The following MAPK8 variants were observed in gnomAD, a reference collection of about 807,000 sequenced individuals.
MAPK8 encodes JUN N-terminal kinase.
A neutral mutation model predicts 52.9 loss-of-function variants in MAPK8; 13 were observed. The observed-to-expected ratio is 0.25, with a 90% CI of 0.16 to 0.39. MAPK8 has a LOEUF of 0.39. Among genes scored for constraint, MAPK8 ranks in the 10% least tolerant of loss-of-function variants. The probability of loss-of-function intolerance (pLI) is 1.00; values close to 1 mark genes in which losing one functional copy is unlikely to be tolerated. For missense variants in MAPK8, 300 were observed against 519.2 expected (o/e 0.58, Z 4.10); for synonymous variants, 191 against 169.8 (o/e 1.12, Z -0.97).
At chr10:48,321,123 G>A (rs576787731) in intron 1 of MAPK8, among the ~76,000 whole-genome samples, 8 of 145,434 alleles carry the variant, frequency 5.5e-5, no homozygotes, top group Non-Finnish European at 1.2e-4. Context: ...AAGAGATGGG[G>A]TTCTTGCTCT....
intron 1 of MAPK8, among the ~76,000 whole-genome samples, chr10:48,336,376 A>G (rs918911645): frequency 6.6e-6 from 1 of 152,148 alleles, no homozygotes; most frequent in Admixed American, 6.6e-5. Flanking sequence ...TTAAATTTGC[A>G]GTAAAAAAGT....
rs146188436 is a variant in MAPK8, at chr10:48,334,214, C to A, written c.-50+27393C>A. ...TCCAGAGGAATGTCAGATGGAGTCTCTTTGGCTCCCTCTTTCCTTTGTCCC... is the reference window on the plus strand; with the variant it reads ...TCCAGAGGAATGTCAGATGGAGTCTATTTGGCTCCCTCTTTCCTTTGTCCC... On this transcript the variant is annotated intron_variant, in intron 1 of 11. Coordinates refer to ENST00000374189, the MANE Select transcript of MAPK8 (RefSeq NM_001323329.2). 9.3e-4 allele frequency among the ~76,000 whole-genome samples: 142 copies of A among 152,288 alleles called. 1 individual carries two copies. The East Asian group carries it at 0.011, about 12-fold the overall frequency.
chr10:48,314,270 T>G (rs1351213639), intron 1 of MAPK8, among the ~76,000 whole-genome samples: 2 of 152,204 alleles, frequency 1.3e-5, no homozygotes, highest in East Asian at 1.9e-4. Context: ...AGTCTGTTCC[T>G]CATCCTATCA....
chr10:48,347,553 C>T (rs1428432500), intron 1 of MAPK8, among the ~76,000 whole-genome samples: 1 of 152,136 alleles, frequency 6.6e-6, no homozygotes, highest in Non-Finnish European at 1.5e-5. Context: ...CCCTAGCTCC[C>T]CACCCCGCAA....
At chr10:48,323,885 A>G (rs958056958) in intron 1 of MAPK8, among the ~76,000 whole-genome samples, 3 of 152,166 alleles carry the variant, frequency 2.0e-5, no homozygotes, top group Non-Finnish European at 4.4e-5. Context: ...TATGTGTCAT[A>G]GGAACCTGGT....
At chr10:48,382,669 T>A in intron 1 of MAPK8, among the ~76,000 whole-genome samples, 1 of 151,436 alleles carries the variant, frequency 6.6e-6, no homozygotes, top group East Asian at 1.9e-4. Context: ...GCCAATTCAA[T>A]TTTACGTTAT....
At chr10:48,351,633 A>G (rs1018962081) in intron 1 of MAPK8, among the ~76,000 whole-genome samples, 1 of 152,204 alleles carries the variant, frequency 6.6e-6, no homozygotes, top group Admixed American at 6.5e-5. Context: ...AGAAAAACCA[A>G]TTGGAAACTT....
intron 1 of MAPK8, among the ~76,000 whole-genome samples, chr10:48,329,285 C>T (rs1395502473): frequency 1.3e-5 from 2 of 152,158 alleles, no homozygotes; most frequent in Non-Finnish European, 2.9e-5. Context: ...ATCTTGCTTT[C>T]CTCTTCTCTT....
At chr10:48,308,303 A>G (rs991582884) in intron 1 of MAPK8, 1 of 152,190 alleles carries the variant, frequency 6.6e-6, no homozygotes, top group East Asian at 1.9e-4. Context: ...GTGTTCAATA[A>G]AAGTCGGATT....
intron 1 of MAPK8, among the ~76,000 whole-genome samples, chr10:48,338,079 T>G (rs1365061471): frequency 6.6e-6 from 1 of 151,966 alleles, no homozygotes; most frequent in Admixed American, 6.6e-5. Flanking sequence ...TGGAGAGATA[T>G]CCTCCCTAAC....
intron 5 of MAPK8, among the ~76,000 whole-genome samples, chr10:48,412,951 C>T (rs1424508618): frequency 1.3e-5 from 2 of 152,052 alleles, no homozygotes; most frequent in East Asian, 3.9e-4. Flanking sequence ...TCCCTATTCT[C>T]CTCTCCCCGC....
At chr10:48,347,838 A>G (rs897271575) in intron 1 of MAPK8, among the ~76,000 whole-genome samples, 1 of 152,144 alleles carries the variant, frequency 6.6e-6, no homozygotes, top group Non-Finnish European at 1.5e-5. Flanking sequence ...TGCTGTTGTG[A>G]ACAGTGCTGC....
intron 1 of MAPK8, chr10:48,326,005 T>G (rs1048376350): frequency 6.6e-6 from 1 of 152,226 alleles, no homozygotes; most frequent in African/African-American, 2.4e-5. Context: ...GATTTTGACT[T>G]TGATCACCTG....
At chr10:48,358,213 T>A (rs1009837128) in intron 1 of MAPK8, among the ~76,000 whole-genome samples, 1 of 152,222 alleles carries the variant, frequency 6.6e-6, no homozygotes, top group Non-Finnish European at 1.5e-5. Flanking sequence ...TGGTAATCTA[T>A]GTTTTACTTT....
At chr10:48,329,703 C>A (rs892002288) in intron 1 of MAPK8, among the ~76,000 whole-genome samples, 3 of 152,110 alleles carry the variant, frequency 2.0e-5, no homozygotes, top group Non-Finnish European at 2.9e-5. Context: ...ATGGGAAGAA[C>A]ATATGTTACT....
At chr10:48,426,852 C>T in intron 9 of MAPK8, 1 of 490,878 alleles carries the variant, frequency 2.0e-6, no homozygotes. Flanking sequence ...TAAAATGTGG[C>T]AATTTCAAGA....
At chr10:48,343,827 T>C (rs1290918617) in intron 1 of MAPK8, among the ~76,000 whole-genome samples, 1 of 152,224 alleles carries the variant, frequency 6.6e-6, no homozygotes. Flanking sequence ...CATTATTGTA[T>C]ACTCATTGTA....
At chr10:48,390,188 GT>G (rs1368504723) in intron 1 of MAPK8, among the ~76,000 whole-genome samples, 2 of 152,088 alleles carry the variant, frequency 1.3e-5, no homozygotes, top group East Asian at 3.9e-4. Flanking sequence ...CATACTTTTT[GT>G]TTTATTCAGG....
rs1333551326 is a variant in MAPK8, at chr10:48,422,710, A to C, written c.617-1378A>C. On this transcript the variant is annotated intron_variant, in intron 6 of 11. Transcript: ENST00000374189. ...TTCTCTGAGGCACTAATTTATAAAT[A>C]TTAAATTTTTTTTCTAAAATCTTAT... Among the ~76,000 whole-genome samples, 4 of 152,188 alleles carry C rather than the reference A, an allele frequency of 2.6e-5. No homozygotes were observed. In the East Asian group the frequency reaches 7.7e-4, roughly 29 times the overall value.
Sources: allele counts gnomAD v4.1 joint callset (sites outside exome capture counted in the v4.1 genomes callset), GRCh38; gene constraint gnomAD v4.1.1; transcripts MANE v1.5; gene names NCBI Gene and HGNC (gene_info 2026-07-23, HGNC 2026-07-21).